Variants in PTPRN2 observed in about 807,000 individuals in gnomAD.
The protein encoded by PTPRN2 is protein tyrosine phosphatase receptor type N2.
A neutral mutation model predicts 118.8 loss-of-function variants in PTPRN2; 74 were observed. The ratio of observed to expected loss-of-function variants is 0.62; its 90% CI spans 0.52 to 0.76. The LOEUF is 0.76. Among genes scored for constraint, PTPRN2 ranks in the 30% least tolerant of loss-of-function variants. PTPRN2 has a pLI of 0.00. For synonymous variants in PTPRN2, 641 were observed against 608.0 expected (o/e 1.05, Z -0.80); for missense variants, 1,481 against 1,394.4 (o/e 1.06, Z -0.99).
intron 11 of PTPRN2, among the ~76,000 whole-genome samples, chr7:157,902,691 A>G (rs970746403): frequency 1.3e-5 from 2 of 152,208 alleles, no homozygotes; most frequent in Non-Finnish European, 1.5e-5. Flanking sequence ...CCCATTGATC[A>G]CTAAAACTCC....
chr7:157,718,506 C>T (rs977649661), intron 12 of PTPRN2, among the ~76,000 whole-genome samples: 6 of 152,144 alleles, frequency 3.9e-5, no homozygotes, highest in African/African-American at 7.2e-5. Flanking sequence ...AGGTCTGCCC[C>T]GCAGCCCTGA....
chr7:158,353,809 A>G (rs1435132555), intron 2 of PTPRN2, among the ~76,000 whole-genome samples: 4 of 152,224 alleles, frequency 2.6e-5, no homozygotes, highest in African/African-American at 7.2e-5. Flanking sequence ...GTGAGATAAC[A>G]ACAGCTTGCC....
intron 10 of PTPRN2, among the ~76,000 whole-genome samples, chr7:158,105,395 C>T (rs116271902): frequency 1.2e-3 from 179 of 151,478 alleles, no homozygotes; most frequent in African/African-American, 4.1e-3. Context: ...CCCAACTGTG[C>T]TCAGCTCCGT....
chr7:158,058,520 C>A (rs1454022953), intron 11 of PTPRN2, among the ~76,000 whole-genome samples: 6 of 83,012 alleles, frequency 7.2e-5, no homozygotes, highest in Admixed American at 4.4e-4. Flanking sequence ...TGAGACATCA[C>A]TGCAGCCACA....
At chr7:158,008,373 G>C (rs538420343) in intron 11 of PTPRN2, among the ~76,000 whole-genome samples, 1 of 152,196 alleles carries the variant, frequency 6.6e-6, no homozygotes, top group South Asian at 2.1e-4. Context: ...AAAACGCAGG[G>C]CTTTGTTTAC....
chr7:157,735,037 G>A (rs938436747), intron 12 of PTPRN2, among the ~76,000 whole-genome samples: 1 of 152,276 alleles, frequency 6.6e-6, no homozygotes, highest in Non-Finnish European at 1.5e-5. Flanking sequence ...GCAGCAGGAC[G>A]GTTAGTGGTG....
At chr7:157,957,349 G>A (rs908300001) in intron 11 of PTPRN2, among the ~76,000 whole-genome samples, 7 of 152,106 alleles carry the variant, frequency 4.6e-5, no homozygotes, top group African/African-American at 1.2e-4. Context: ...CCCTGGGGGG[G>A]TGAATTCCAT....
chr7:158,243,596 G>A (rs1796017263), intron 3 of PTPRN2, among the ~76,000 whole-genome samples: 1 of 152,194 alleles, frequency 6.6e-6, no homozygotes, highest in South Asian at 2.1e-4. Flanking sequence ...GGAGCTGCAG[G>A]AAGCCCACAA....
intron 13 of PTPRN2, among the ~76,000 whole-genome samples, chr7:157,661,435 C>T (rs1320400244): frequency 6.6e-6 from 1 of 152,248 alleles, no homozygotes; most frequent in African/African-American, 2.4e-5. Context: ...TGCTCTTGCC[C>T]GAAGGCGCTC....
At chr7:157,860,865 G>A (rs568685322) in intron 12 of PTPRN2, among the ~76,000 whole-genome samples, 150 of 152,350 alleles carry the variant, frequency 9.8e-4, no homozygotes, top group African/African-American at 3.4e-3. Flanking sequence ...GCAGCTGGCC[G>A]GGTGCATTTC....
In PTPRN2 at chr7:158,167,079, G is replaced by T. The variant is rs1293980132; in HGVS notation, c.762C>A (p.Pro254=). 1.2e-6 allele frequency: 2 copies of T among 1,602,196 alleles called. No homozygotes were observed. Among genetic ancestry groups the T allele is most frequent in the Non-Finnish European group, 1.7e-6 (2 of 1,173,322 alleles). ...GGCTGCCCTCCCCGGGGGGAGCTGG[G>T]GGCCTCTGGGCAGCATAGGCACTGA... ...AALSAYAAQR[P]PAPPGEGSLE... is the part of the protein sequence containing the mutation. The change falls in exon 6 of 23, where the codon CCC becomes CCA. Residue 254 remains proline, a synonymous_variant. Transcript: ENST00000389418.
rs528300302 is a variant in PTPRN2, at chr7:157,611,353, A to G, written c.2345-7278T>C. Among the ~76,000 whole-genome samples the G allele has an allele frequency of 1.2e-3, 187 of 152,276 alleles. No individual in the cohort carries two copies. The highest frequency in any genetic ancestry group is 2.5e-3 in the Admixed American group (38 of 15,304). ...ACCTGAAGCGATTTTAACCCACACTAGTCTCATCTCAGGCATCTGTGTAGA... is the reference window on the plus strand; with the variant it reads ...ACCTGAAGCGATTTTAACCCACACTGGTCTCATCTCAGGCATCTGTGTAGA... On this transcript the variant is annotated intron_variant, in intron 15 of 22. Coordinates refer to ENST00000389418, the MANE Select transcript of PTPRN2 (RefSeq NM_002847.5). The surrounding 1 kb of genome is among the most constrained non-coding windows in gnomAD (Gnocchi z 5.9).
intron 11 of PTPRN2, among the ~76,000 whole-genome samples, chr7:158,018,966 C>CAAAAAAAAAAAAAAAAAA (rs753498681): frequency 1.5e-5 from 1 of 65,830 alleles, no homozygotes; most frequent in Non-Finnish European, 3.1e-5. Flanking sequence ...GTTTCAAAAA[C>CAAAAAAAAAAAAAAAAAA]AAAAAAAAAA....
intron 11 of PTPRN2, among the ~76,000 whole-genome samples, chr7:157,966,607 C>G (rs1194808901): frequency 6.6e-6 from 1 of 151,880 alleles, no homozygotes; most frequent in African/African-American, 2.4e-5. Context: ...CTATCACCAT[C>G]ACCATCATCA....
chr7:158,144,588 A>G (rs1007955178), intron 6 of PTPRN2, among the ~76,000 whole-genome samples: 4 of 152,114 alleles, frequency 2.6e-5, no homozygotes, highest in African/African-American at 9.7e-5. Flanking sequence ...GCAGTGAGCT[A>G]AGATTGTGCC....
chr7:157,973,842 G>A (rs145870563), intron 11 of PTPRN2, among the ~76,000 whole-genome samples: 58 of 152,306 alleles, frequency 3.8e-4, no homozygotes, highest in Non-Finnish European at 5.7e-4. Context: ...AGTCTCTAGC[G>A]CTGTCTTTCT....
At chr7:158,296,725 C>T (rs1317588817) in intron 3 of PTPRN2, among the ~76,000 whole-genome samples, 2 of 152,246 alleles carry the variant, frequency 1.3e-5, no homozygotes, top group Non-Finnish European at 2.9e-5. Flanking sequence ...ACTCCTCCAT[C>T]GCACGCCCTG....
intron 12 of PTPRN2, among the ~76,000 whole-genome samples, chr7:157,683,717 G>A (rs985859519): frequency 6.6e-6 from 1 of 152,152 alleles, no homozygotes; most frequent in African/African-American, 2.4e-5. Context: ...CCCTTTCGGT[G>A]CATTTCACTT....
chr7:158,441,321 A>G (rs28970413), intron 2 of PTPRN2, among the ~76,000 whole-genome samples: 34,856 of 86,826 alleles, frequency 0.4, 8,109 homozygotes, highest in East Asian at 0.63. Context: ...GATGGCAATG[A>G]AGGTGATGGT....
Sources: gnomAD v4.1 joint callset for allele counts (sites outside exome capture counted in the v4.1 genomes callset) on GRCh38, gnomAD v4.1.1 for gene constraint, Gnocchi (gnomAD v3.1) non-coding constraint, MANE v1.5 for transcripts, NCBI Gene and HGNC (gene_info 2026-07-23, HGNC 2026-07-21) for gene names.